The following NUMB variants were observed in gnomAD, a reference collection of about 807,000 sequenced individuals.
NUMB encodes the protein protein numb homolog.
NUMB carries 29 observed loss-of-function variants against 59.7 expected under a neutral mutation model. The ratio of observed to expected loss-of-function variants is 0.49; its 90% CI spans 0.36 to 0.66. NUMB has a LOEUF of 0.66. Among genes scored for constraint, NUMB ranks in the 30% least tolerant of loss-of-function variants. The probability of loss-of-function intolerance (pLI) is 0.00; values close to 1 mark genes in which losing one functional copy is unlikely to be tolerated. For missense variants in NUMB, 723 were observed against 822.0 expected (o/e 0.88, Z 1.47); for synonymous variants, 288 against 288.2 (o/e 1.00, Z 0.01).
Position 73,275,814 on chromosome 14 carries a change from G to A in NUMB, c.*764C>T, listed in dbSNP as rs577748761. 8 of 152,742 alleles carry A rather than the reference G, an allele frequency of 5.2e-5. No individual in the cohort carries two copies. Among genetic ancestry groups the A allele is most frequent in the Non-Finnish European group, 1.2e-4 (8 of 68,034 alleles). The allele number at this position is 152,742 out of a possible 1,614,324, so 9.5% of individuals were successfully genotyped here. The stretch of plus-strand genomic sequence containing the variant: ...TGACAGAAAACAAGCTAGGGATCCT[G>A]TCTGCAGCTTCCAGCCTTTCCTCTT... On this transcript the variant is annotated 3_prime_UTR_variant, in exon 13 of 13. Transcript: ENST00000555238.
At chr14:73,303,607 A>C in intron 6 of NUMB, among the ~76,000 whole-genome samples, 1 of 152,100 alleles carries the variant, frequency 6.6e-6, no homozygotes, top group Non-Finnish European at 1.5e-5. Flanking sequence ...AACAAAACAA[A>C]AAAAAAACAT....
intron 2 of NUMB, among the ~76,000 whole-genome samples, chr14:73,401,245 C>T (rs549295537): frequency 6.6e-6 from 1 of 152,232 alleles, no homozygotes; most frequent in East Asian, 1.9e-4. Flanking sequence ...TTTGATTTTT[C>T]TTATATCTCC....
intron 11 of NUMB, among the ~76,000 whole-genome samples, chr14:73,279,684 G>C (rs977088036): frequency 2.6e-5 from 4 of 152,138 alleles, no homozygotes; most frequent in African/African-American, 9.7e-5. Context: ...ATGGGGAGTG[G>C]GGAAATGAAA....
chr14:73,449,390 C>T (rs1328477111), intron 1 of NUMB, among the ~76,000 whole-genome samples: 2 of 152,096 alleles, frequency 1.3e-5, no homozygotes, highest in Non-Finnish European at 2.9e-5. Flanking sequence ...CTCTAGATTA[C>T]TTATTAATAT....
At chr14:73,392,962 G>A (rs1036323602) in intron 2 of NUMB, among the ~76,000 whole-genome samples, 4 of 152,092 alleles carry the variant, frequency 2.6e-5, no homozygotes, top group Non-Finnish European at 5.9e-5. Flanking sequence ...AGACATGTGC[G>A]TTTTTCTGGG....
At chr14:73,306,027 T>G (rs940885485) in intron 6 of NUMB, among the ~76,000 whole-genome samples, 2 of 152,258 alleles carry the variant, frequency 1.3e-5, no homozygotes, top group Non-Finnish European at 2.9e-5. Context: ...CAATAAATTT[T>G]GTCTTATAAT....
In NUMB at chr14:73,404,854, G is replaced by A. The variant is rs28722132; in HGVS notation, c.-101+5083C>T. Among the ~76,000 whole-genome samples the A allele has an allele frequency of 6.6e-4, 100 of 151,656 alleles. 1 individual carries two copies. The highest frequency in any genetic ancestry group is 2.2e-3 in the African/African-American group (90 of 41,292). On this transcript the variant is annotated intron_variant, in intron 2 of 12. Coordinates refer to ENST00000555238, the MANE Select transcript of NUMB (RefSeq NM_001005743.2). ...TAGCTCACTGCAACCTCCGCCTCCC[G>A]GGTTCAAGCAATTCTTATGCCTCAG...
chr14:73,355,221 A>AT (rs1334915179), intron 4 of NUMB, among the ~76,000 whole-genome samples: 1 of 152,140 alleles, frequency 6.6e-6, no homozygotes, highest in Non-Finnish European at 1.5e-5. Context: ...AACTCTTCTC[A>AT]TTTAAGGATT....
At chr14:73,361,669 C>T in intron 3 of NUMB, among the ~76,000 whole-genome samples, 1 of 151,854 alleles carries the variant, frequency 6.6e-6, no homozygotes, top group South Asian at 2.1e-4. Context: ...TTCATAAGTT[C>T]TTATCATTTA....
intron 2 of NUMB, among the ~76,000 whole-genome samples, chr14:73,387,140 C>G (rs1470462683): frequency 1.3e-5 from 2 of 151,956 alleles, no homozygotes; most frequent in East Asian, 3.9e-4. Flanking sequence ...CCTCGGCCTC[C>G]CAAAGTGCTG....
chr14:73,378,070 A>T (rs1566769301), intron 2 of NUMB, among the ~76,000 whole-genome samples: 1 of 152,058 alleles, frequency 6.6e-6, no homozygotes, highest in African/African-American at 2.4e-5. Flanking sequence ...CAGTAAGAAA[A>T]CTAACAACCT....
In NUMB at chr14:73,277,289, G is replaced by A. The variant is rs578172055; in HGVS notation, c.1245C>T (p.Thr415=). Residue 415 remains threonine, a synonymous_variant, in exon 13 of 13, where the codon ACC becomes ACT. Coordinates refer to ENST00000555238, the MANE Select transcript of NUMB (RefSeq NM_001005743.2). ...CAGCACCAGAAGATTGACCCCACTCGGTCCCTGGAACCAACAAGATGAGAG... is the reference window on the plus strand; with the variant it reads ...CAGCACCAGAAGATTGACCCCACTCAGTCCCTGGAACCAACAAGATGAGAG... ...NKEIAATCSG[T]EWGQSSGAAS... 5.2e-5 allele frequency: 83 copies of A among 1,594,950 alleles called. 1 individual carries two copies. The highest frequency in any genetic ancestry group is 4.8e-4 in the South Asian group (43 of 90,004).
intron 2 of NUMB, among the ~76,000 whole-genome samples, chr14:73,383,204 T>C (rs1203552232): frequency 6.6e-6 from 1 of 152,094 alleles, no homozygotes. Context: ...CATTGTTAAT[T>C]ACCACACACA....
At chr14:73,280,851 G>A (rs1328164847) in intron 11 of NUMB, among the ~76,000 whole-genome samples, 1 of 151,778 alleles carries the variant, frequency 6.6e-6, no homozygotes, top group Non-Finnish European at 1.5e-5. Flanking sequence ...CTGCCACCAT[G>A]CCCGGCTAAC....
In NUMB at chr14:73,282,453, G is replaced by C. The variant is rs750695125; in HGVS notation, c.1002C>G (p.Ile334Met). The C allele has an allele frequency of 6.2e-7, 1 of 1,614,134 alleles. No homozygotes were observed. Among genetic ancestry groups the C allele is most frequent in the East Asian group, 2.2e-5 (1 of 44,878 alleles). Residue 334 changes from isoleucine (I) to methionine (M), a missense_variant, in exon 11 of 13, where the codon ATC becomes ATG. By Grantham distance (10) the Ile-to-Met change is conservative. Transcript: ENST00000555238. Reference sequence around the variant, plus strand: ...CCTCAGGTGTGCTGAAGGCATTGGTGATCTGTGAGCACAGGGAGCTGATGC... The same window carrying C: ...CCTCAGGTGTGCTGAAGGCATTGGTCATCTGTGAGCACAGGGAGCTGATGC... ...AESISSLCSQ[I>M]TNAFSTPEDP... is the part of the protein sequence containing the mutation.
chr14:73,431,557 G>C (rs1008279823), intron 1 of NUMB, among the ~76,000 whole-genome samples: 1 of 150,830 alleles, frequency 6.6e-6, no homozygotes, highest in Admixed American at 6.6e-5. Context: ...GATCAGCCTG[G>C]CCAACATGGT....
intron 2 of NUMB, among the ~76,000 whole-genome samples, chr14:73,402,377 C>G (rs1896459894): frequency 1.3e-5 from 2 of 152,082 alleles, no homozygotes; most frequent in South Asian, 4.1e-4. Flanking sequence ...GGAGCAGATG[C>G]CTTTTACTGA....
chr14:73,318,786 A>G (rs1891222595), intron 5 of NUMB, among the ~76,000 whole-genome samples: 1 of 152,236 alleles, frequency 6.6e-6, no homozygotes, highest in African/African-American at 2.4e-5. Context: ...AAAGTTAAAA[A>G]ATTAACATAT....
At chr14:73,402,102 G>C (rs1424056888) in intron 2 of NUMB, among the ~76,000 whole-genome samples, 1 of 152,150 alleles carries the variant, frequency 6.6e-6, no homozygotes. Flanking sequence ...CTGAGCTCAA[G>C]TGATTCCTCT....
Sources: gnomAD v4.1 joint callset for allele counts (sites outside exome capture counted in the v4.1 genomes callset) on GRCh38, gnomAD v4.1.1 for gene constraint, MANE v1.5 for transcripts, NCBI Gene and HGNC (gene_info 2026-07-23, HGNC 2026-07-21) for gene names.